The following STIM1 variants were observed in gnomAD, a reference collection of about 807,000 sequenced individuals.
STIM1 encodes stromal interaction molecule 1.
A neutral mutation model predicts 74.7 loss-of-function variants in STIM1; 25 were observed. The ratio of observed to expected loss-of-function variants is 0.33; its 90% CI spans 0.24 to 0.47. STIM1 has a LOEUF of 0.47. STIM1 is among the 20% of genes least tolerant of loss of function. The pLI is 1.00. For missense variants in STIM1, 728 were observed against 920.8 expected (o/e 0.79, Z 2.71); for synonymous variants, 328 against 348.8 (o/e 0.94, Z 0.66).
intron 1 of STIM1, among the ~76,000 whole-genome samples, chr11:3,957,250 G>A (rs2093226554): frequency 6.6e-6 from 1 of 152,012 alleles, no homozygotes; most frequent in South Asian, 2.1e-4. Flanking sequence ...AGTTGATGCT[G>A]TGGATTATTA....
rs566057995 is a variant in STIM1 at position 3,880,652 on chromosome 11, C to G, written c.139+24243C>G. On this transcript the variant is annotated intron_variant, in intron 1 of 12. Transcript: ENST00000526596. The stretch of plus-strand genomic sequence containing the variant: ...AAATACTTCCCTACTCTTCCTAAAC[C>G]CCTGCCCCTCCCCAAAAGAAAAATA... Among the ~76,000 whole-genome samples the G allele has an allele frequency of 4.6e-5, 7 of 152,234 alleles. No homozygotes were observed. In the East Asian group the frequency reaches 1.3e-3, roughly 29 times the overall value.
At chr11:3,895,616 T>C (rs202210258) in intron 1 of STIM1, among the ~76,000 whole-genome samples, 37 of 9,082 alleles carry the variant, frequency 4.1e-3, no homozygotes, top group African/African-American at 6.8e-3. Flanking sequence ...CTCTCTTTCT[T>C]TCTTTCTTTC....
At chr11:4,068,735 A>C (rs1286008019) in intron 5 of STIM1, among the ~76,000 whole-genome samples, 1 of 152,074 alleles carries the variant, frequency 6.6e-6, no homozygotes, top group Non-Finnish European at 1.5e-5. Flanking sequence ...AGGATGTGTT[A>C]ATCTGTCTTT....
intron 1 of STIM1, among the ~76,000 whole-genome samples, chr11:3,966,882 T>A (rs939742641): frequency 6.6e-6 from 1 of 152,144 alleles, no homozygotes; most frequent in Non-Finnish European, 1.5e-5. Context: ...TACATGGACA[T>A]GTAATGGTAG....
At position 4,010,001 on chromosome 11, in the gene STIM1, TG is replaced by T. The variant is rs1458165031; in HGVS notation, c.271-13868del. Among the ~76,000 whole-genome samples the T allele has an allele frequency of 2.6e-5, 4 of 151,940 alleles. No individual in the cohort carries two copies. The East Asian group carries it at 7.7e-4, about 29-fold the overall frequency. On this transcript the variant is annotated intron_variant, in intron 2 of 12. Coordinates refer to ENST00000526596, the MANE Select transcript of STIM1 (RefSeq NM_001382567.1). Reference sequence around the variant, plus strand: ...CTAATTTTAAAATTTTTTGTGGAGATGGGGTTTCACTATGTTGCCCAGACTA... The same window carrying T: ...CTAATTTTAAAATTTTTTGTGGAGATGGGTTTCACTATGTTGCCCAGACTA...
chr11:4,010,202 G>A (rs1013731208), intron 2 of STIM1, among the ~76,000 whole-genome samples: 1 of 150,206 alleles, frequency 6.7e-6, no homozygotes, highest in African/African-American at 2.4e-5. Flanking sequence ...ACAGAGTCTG[G>A]CCTTGTCATC....
intron 12 of STIM1, among the ~76,000 whole-genome samples, chr11:4,087,362 T>A (rs1171997714): frequency 2.6e-5 from 4 of 152,066 alleles, no homozygotes; most frequent in Non-Finnish European, 1.5e-5. Context: ...TGTACCTGGG[T>A]GGAATGCTTC....
chr11:3,867,315 C>G (rs1201760507), intron 1 of STIM1: 1 of 152,270 alleles, frequency 6.6e-6, no homozygotes, highest in Non-Finnish European at 1.5e-5. Flanking sequence ...ACAGCAATGA[C>G]TACCCTGAGC....
rs867602309 is a variant in STIM1 at position 3,899,958 on chromosome 11, G to A, written c.139+43549G>A. On this transcript the variant is annotated intron_variant, in intron 1 of 12. Transcript: ENST00000526596. ...GGATTTTTGCATCAATGTTCATCAA[G>A]GATATTGGTCTAAAATTCTCTTTTT... Among the ~76,000 whole-genome samples the A allele has an allele frequency of 6.4e-3, 975 of 152,122 alleles. 8 individuals carry two copies. Among genetic ancestry groups the A allele is most frequent in the African/African-American group, 0.022 (931 of 41,460 alleles).
At chr11:4,082,427 C>G (rs1052111415) in intron 8 of STIM1, 76 bp downstream of exon 8, 2 of 1,416,800 alleles carry the variant, frequency 1.4e-6, no homozygotes, top group Non-Finnish European at 9.7e-7. Context: ...TTCCTCTTCT[C>G]TCCCTCTCCC....
intron 1 of STIM1, among the ~76,000 whole-genome samples, chr11:3,895,721 TCTTTCTTTCTTTCTTTTTCTTTCTTC>T (rs1565105228): frequency 2.1e-4 from 8 of 38,778 alleles, no homozygotes; most frequent in Non-Finnish European, 3.2e-4. Context: ...TTTCTTTCTT[TCTTTCTTTCTTTCTTTTTCTTTCTTC>T]CTTCCTTCCT....
chr11:4,060,556 T>C (rs972607946), intron 5 of STIM1, among the ~76,000 whole-genome samples: 1 of 152,182 alleles, frequency 6.6e-6, no homozygotes, highest in African/African-American at 2.4e-5. Flanking sequence ...AGTGGAGGGT[T>C]CTAGGACACA....
intron 1 of STIM1, among the ~76,000 whole-genome samples, chr11:3,924,321 T>G (rs1055784882): frequency 6.6e-6 from 1 of 151,044 alleles, no homozygotes; most frequent in African/African-American, 2.4e-5. Flanking sequence ...GCCTCAGCCT[T>G]CCAAGTAGCT....
intron 1 of STIM1, among the ~76,000 whole-genome samples, chr11:3,875,481 T>C (rs2091278249): frequency 6.6e-6 from 1 of 152,132 alleles, no homozygotes; most frequent in Non-Finnish European, 1.5e-5. Context: ...ATCCCAGCAC[T>C]TTGGGAGGCC....
intron 2 of STIM1, among the ~76,000 whole-genome samples, chr11:3,997,587 A>AT (rs1469550591): frequency 6.6e-6 from 1 of 152,214 alleles, no homozygotes; most frequent in African/African-American, 2.4e-5. Context: ...CTGACACATA[A>AT]TCCGGATCTC....
intron 1 of STIM1, among the ~76,000 whole-genome samples, chr11:3,873,965 A>G (rs766731657): frequency 6.6e-6 from 1 of 152,060 alleles, no homozygotes; most frequent in Non-Finnish European, 1.5e-5. Flanking sequence ...TTAAGGTTGG[A>G]CTAATTAAAA....
rs554448797 is a variant in STIM1, at chr11:3,905,222, G to A, written c.139+48813G>A. On this transcript the variant is annotated intron_variant, in intron 1 of 12. Coordinates refer to ENST00000526596, the MANE Select transcript of STIM1 (RefSeq NM_001382567.1). ...GTGACAGCAGTTTCAGTGGAGGGGT[G>A]GGGACAGAAGCTAGACTGCTGTGGC... Among the ~76,000 whole-genome samples, 13 of 152,250 alleles carry A rather than the reference G, an allele frequency of 8.5e-5. No homozygotes were observed. The South Asian group carries it at 2.5e-3, about 29-fold the overall frequency.
At chr11:3,899,989 G>A (rs182675861) in intron 1 of STIM1, among the ~76,000 whole-genome samples, 1,621 of 152,092 alleles carry the variant, frequency 0.011, 36 homozygotes, top group African/African-American at 0.036. Context: ...TTTTTTGGTT[G>A]TGTCTCTGCC....
intron 2 of STIM1, among the ~76,000 whole-genome samples, chr11:3,996,171 G>A (rs2093661781): frequency 1.3e-5 from 2 of 152,100 alleles, no homozygotes; most frequent in Admixed American, 6.5e-5. Context: ...CTGCTTCCTC[G>A]GCCAGGCAAA....
Sources: gnomAD v4.1 joint callset for allele counts (sites outside exome capture counted in the v4.1 genomes callset) on GRCh38, gnomAD v4.1.1 for gene constraint, MANE v1.5 for transcripts, NCBI Gene and HGNC (gene_info 2026-07-23, HGNC 2026-07-21) for gene names.